Variants in OLFM3 observed in about 807,000 individuals in gnomAD.
The protein encoded by OLFM3 is noelin-3.
A neutral mutation model predicts 48.6 loss-of-function variants in OLFM3; 20 were observed. That is an observed-to-expected ratio of 0.41 (90% CI 0.29 to 0.60). The LOEUF is 0.60. OLFM3 is among the 20% of genes least tolerant of loss of function. The probability of loss-of-function intolerance (pLI) is 0.28; values close to 1 mark genes in which losing one functional copy is unlikely to be tolerated. For missense variants in OLFM3, 437 were observed against 544.3 expected, an observed-to-expected ratio of 0.80 and a Z score of 1.96; for synonymous variants, 222 against 198.1, an observed-to-expected ratio of 1.12 and a Z score of -1.01.
chr1:101,829,673 C>T (rs1243349041), intron 3 of OLFM3, among the ~76,000 whole-genome samples: 2 of 152,230 alleles, frequency 1.3e-5, no homozygotes, highest in Non-Finnish European at 2.9e-5. Context: ...CAGATCCACT[C>T]CCTCAACATC....
intron 2 of OLFM3, among the ~76,000 whole-genome samples, chr1:101,832,287 T>G (rs1270358007): frequency 6.6e-6 from 1 of 152,234 alleles, no homozygotes; most frequent in African/African-American, 2.4e-5. Flanking sequence ...AGGGATGACT[T>G]GTTCAGACAC....
chr1:101,996,248 T>C (rs934709720), intron 1 of OLFM3, among the ~76,000 whole-genome samples: 2 of 152,168 alleles, frequency 1.3e-5, no homozygotes, highest in African/African-American at 4.8e-5. Context: ...TGCTCTGCCA[T>C]GTGTTTTACA....
chr1:101,925,265 C>A (rs551053786), intron 1 of OLFM3, among the ~76,000 whole-genome samples: 6 of 149,188 alleles, frequency 4.0e-5, no homozygotes, highest in Admixed American at 3.4e-4. Context: ...TTTTTTTTTT[C>A]TATAATATTT....
intron 1 of OLFM3, among the ~76,000 whole-genome samples, chr1:101,955,908 C>T (rs1052089687): frequency 6.6e-6 from 1 of 151,710 alleles, no homozygotes; most frequent in Non-Finnish European, 1.5e-5. Flanking sequence ...AAGTCTACTC[C>T]TATTCTTGTA....
At chr1:101,959,478 A>C (rs528715858) in intron 1 of OLFM3, among the ~76,000 whole-genome samples, 1 of 152,128 alleles carries the variant, frequency 6.6e-6, no homozygotes, top group African/African-American at 2.4e-5. Flanking sequence ...TCCCTCATCA[A>C]GCACTTCTAC....
At chr1:101,995,873 T>C (rs1267604119) in intron 1 of OLFM3, among the ~76,000 whole-genome samples, 1 of 152,224 alleles carries the variant, frequency 6.6e-6, no homozygotes, top group Non-Finnish European at 1.5e-5. Context: ...AGGTGGCTTA[T>C]CTCTTATTCC....
chr1:101,954,117 A>C (rs765470850), intron 1 of OLFM3, among the ~76,000 whole-genome samples: 22 of 152,178 alleles, frequency 1.4e-4, no homozygotes, highest in Non-Finnish European at 2.6e-4. Flanking sequence ...TTCTAACATA[A>C]ATTTAAAATG....
intron 1 of OLFM3, among the ~76,000 whole-genome samples, chr1:101,875,740 A>G (rs535491564): frequency 4.6e-5 from 7 of 150,614 alleles, no homozygotes; most frequent in South Asian, 2.1e-4. Context: ...CAAGAGCTCA[A>G]AATATGTATG....
chr1:101,938,993 T>C (rs750570153), intron 1 of OLFM3, among the ~76,000 whole-genome samples: 2 of 152,192 alleles, frequency 1.3e-5, no homozygotes, highest in Non-Finnish European at 1.5e-5. Flanking sequence ...TTTTGTTCCA[T>C]AGTCTTAATT....
chr1:101,824,429 C>A (rs1486783872), intron 4 of OLFM3, among the ~76,000 whole-genome samples: 1 of 152,118 alleles, frequency 6.6e-6, no homozygotes, highest in Non-Finnish European at 1.5e-5. Flanking sequence ...GAAGTAGAGT[C>A]CATGACCCAT....
At chr1:101,898,484 G>A (rs1658280002) in intron 1 of OLFM3, among the ~76,000 whole-genome samples, 1 of 152,120 alleles carries the variant, frequency 6.6e-6, no homozygotes, top group South Asian at 2.1e-4. Context: ...ATGTTTAAGG[G>A]GTTCTATTTA....
At position 101,836,906 on chromosome 1, in the gene OLFM3, G is replaced by A; in HGVS notation, c.189C>T (p.Ser63=). The change falls in exon 2 of 6, where the codon AGC becomes AGT. Residue 63 remains serine (S), a synonymous_variant. Coordinates refer to ENST00000370103, the MANE Select transcript of OLFM3 (RefSeq NM_058170.4). ...EQNLCSRDAK[S]RQLRQLLEKV... is the part of the protein sequence containing the mutation. Reference sequence around the variant, plus strand: ...TTTCCAGTAGTTGGCGAAGTTGCCTGCTTTTGGCATCCCGGGAACACAGGT... The same window carrying A: ...TTTCCAGTAGTTGGCGAAGTTGCCTACTTTTGGCATCCCGGGAACACAGGT... 6.2e-7 allele frequency: 1 copy of A among 1,614,136 alleles called. No homozygotes were observed. The highest frequency in any genetic ancestry group is 8.5e-7 in the Non-Finnish European group (1 of 1,180,006).
Position 101,919,017 on chromosome 1 carries a change from T to A in OLFM3, c.69+77731A>T, listed in dbSNP as rs942619437. 2.6e-4 allele frequency among the ~76,000 whole-genome samples: 39 copies of A among 152,252 alleles called. 1 individual carries two copies. Among genetic ancestry groups the A allele is most frequent in the Non-Finnish European group, 4.4e-4 (30 of 68,016 alleles). ...ATAGATTAAGTCTTAGTGAATAAAT[T>A]TACATTTGTATTTTTAGTTCACTGT... is the stretch of plus-strand genomic sequence containing the variant. On this transcript the variant is annotated intron_variant, in intron 1 of 5. Coordinates refer to ENST00000370103, the MANE Select transcript of OLFM3 (RefSeq NM_058170.4).
chr1:101,908,311 A>G (rs1264033813), intron 1 of OLFM3, among the ~76,000 whole-genome samples: 1 of 152,212 alleles, frequency 6.6e-6, no homozygotes, highest in Admixed American at 6.5e-5. Flanking sequence ...AGCAGAAAAA[A>G]TGTCTATATC....
intron 2 of OLFM3, among the ~76,000 whole-genome samples, chr1:101,831,514 A>G (rs1014157494): frequency 1.1e-4 from 17 of 152,210 alleles, no homozygotes; most frequent in Admixed American, 1.3e-4. Context: ...GAGGTAACCT[A>G]TAACGCATGC....
chr1:101,884,331 C>A (rs1657656896), intron 1 of OLFM3, among the ~76,000 whole-genome samples: 1 of 151,970 alleles, frequency 6.6e-6, no homozygotes, highest in Non-Finnish European at 1.5e-5. Context: ...AAGAGATTGA[C>A]TTTAAAAATG....
intron 1 of OLFM3, among the ~76,000 whole-genome samples, chr1:101,929,232 G>C (rs570527213): frequency 3.3e-5 from 5 of 152,060 alleles, no homozygotes; most frequent in Non-Finnish European, 7.4e-5. Flanking sequence ...TCATCTTTTT[G>C]TTTCTTTGCT....
intron 1 of OLFM3, among the ~76,000 whole-genome samples, chr1:101,876,714 A>AT (rs1299796659): frequency 5.3e-5 from 8 of 151,952 alleles, no homozygotes; most frequent in Non-Finnish European, 1.2e-4. Context: ...TTTATACTTC[A>AT]TTTTTTATTT....
At chr1:101,901,254 T>C (rs1658378332) in intron 1 of OLFM3, among the ~76,000 whole-genome samples, 2 of 152,052 alleles carry the variant, frequency 1.3e-5, no homozygotes, top group South Asian at 4.1e-4. Context: ...CAGGGAAGAC[T>C]TCAGAAAAAT....
Sources: gnomAD v4.1 joint callset for allele counts (sites outside exome capture counted in the v4.1 genomes callset) on GRCh38, gnomAD v4.1.1 for gene constraint, MANE v1.5 for transcripts, NCBI Gene and HGNC (gene_info 2026-07-23, HGNC 2026-07-21) for gene names.